PKHD1L1: variants seen among roughly 807,000 people sequenced by gnomAD.
PKHD1L1 encodes the protein PKHD1 like 1.
In PKHD1L1, 434 loss-of-function variants were observed where a neutral mutation model predicts 462.9. That is an observed-to-expected ratio of 0.94 (90% CI 0.87 to 1.02). PKHD1L1 has a LOEUF of 1.02. Ranked by LOEUF, PKHD1L1 falls within the 50% of genes least tolerant of loss-of-function variation. PKHD1L1 has a pLI of 0.00. For synonymous variants in PKHD1L1, 1,781 were observed against 1,750.0 expected, an observed-to-expected ratio of 1.02 and a Z score of -0.44; for missense variants, 5,202 against 5,096.1, an observed-to-expected ratio of 1.02 and a Z score of -0.63.
In PKHD1L1 at chr8:109,515,257, T is replaced by C; in HGVS notation, c.11641T>C (p.Trp3881Arg). The change falls in exon 72 of 78, where the codon TGG becomes CGG. Residue 3881 changes from tryptophan to arginine, a missense_variant. Around this residue, in one of 3 missense-constraint regions of PKHD1L1, gnomAD observed 698 missense variants for 736.3 expected, o/e 0.95. Coordinates refer to ENST00000378402, the MANE Select transcript of PKHD1L1 (RefSeq NM_177531.6). Reference protein sequence around the residue: ...NLLVCPKTTIWNAQQKHCELN... With the variant: ...NLLVCPKTTIRNAQQKHCELN... ...ATTGGTCTGTCCAAAAACTACAATA[T>C]GGAATGCCCAGCAGAAACACTGTGA... 1 of 1,603,826 alleles carries C rather than the reference T, an allele frequency of 6.2e-7. No individual in the cohort carries two copies. Among genetic ancestry groups the C allele is most frequent in the Non-Finnish European group, 8.5e-7 (1 of 1,173,802 alleles).
chr8:109,436,574 G>T, intron 30 of PKHD1L1, 115 bp downstream of exon 30: 1 of 1,475,182 alleles, frequency 6.8e-7, no homozygotes, highest in Non-Finnish European at 9.0e-7. Flanking sequence ...AGGAACTGCA[G>T]GGTTTCTATT....
rs145745350 is a variant in PKHD1L1, at chr8:109,375,440, G to C, written c.164-5930G>C. On this transcript the variant is annotated intron_variant, in intron 2 of 77. Transcript: ENST00000378402. ...AAGGTTTTTAACTTCTTTGCCATTG[G>C]TTCGAACTTCCTCCTTTAGCTCGGA... Among the ~76,000 whole-genome samples, 1,276 of 152,108 alleles carry C rather than the reference G, an allele frequency of 8.4e-3. 18 individuals carry two copies. The highest frequency in any genetic ancestry group is 0.029 in the African/African-American group (1,186 of 41,454).
chr8:109,526,694 GT>G, intron 76 of PKHD1L1, 89 bp from the exon 77 acceptor site: 1 of 1,118,732 alleles, frequency 8.9e-7, no homozygotes. Context: ...TCTATATAGT[GT>G]TTTTCAGTCA....
At chr8:109,491,764 G>C (rs946765598) in intron 61 of PKHD1L1, 109 bp from the exon 62 acceptor site, 1 of 1,085,678 alleles carries the variant, frequency 9.2e-7, no homozygotes, top group Non-Finnish European at 1.3e-6. Context: ...CAGGCTCAAA[G>C]TAGAAAAATA....
chr8:109,461,331 C>G (rs1347684353), intron 47 of PKHD1L1, among the ~76,000 whole-genome samples: 1 of 152,114 alleles, frequency 6.6e-6, no homozygotes, highest in African/African-American at 2.4e-5. Flanking sequence ...GTACATGAAA[C>G]CTAGTTTCAT....
rs561365096 is a variant in PKHD1L1, at chr8:109,365,927, T to A, written c.163+1291T>A. The stretch of plus-strand genomic sequence containing the variant: ...AGGCAGAGGTTGCAGTGAGCCGAGA[T>A]CGCGCCACTGTACTCCAGCCTGGCG... On this transcript the variant is annotated intron_variant, in intron 2 of 77. Transcript: ENST00000378402. Among the ~76,000 whole-genome samples, 5 of 152,190 alleles carry A rather than the reference T, an allele frequency of 3.3e-5. No individual in the cohort carries two copies. The South Asian group carries it at 1.0e-3, about 32-fold the overall frequency.
intron 72 of PKHD1L1, among the ~76,000 whole-genome samples, chr8:109,517,699 G>A (rs1286256186): frequency 4.6e-5 from 7 of 151,874 alleles, no homozygotes; most frequent in Admixed American, 2.0e-4. Flanking sequence ...ACACAGTTTT[G>A]TCCTTAGTTA....
intron 21 of PKHD1L1, among the ~76,000 whole-genome samples, chr8:109,417,696 C>T (rs564886348): frequency 3.9e-5 from 6 of 152,074 alleles, no homozygotes; most frequent in Admixed American, 1.3e-4. Context: ...ATTACAGGCG[C>T]GTGCCACCCC....
Position 109,440,868 on chromosome 8 carries a change from A to T in PKHD1L1, c.4099+16A>T. 2 of 1,608,192 alleles carry T rather than the reference A, an allele frequency of 1.2e-6. No individual in the cohort carries two copies. Among genetic ancestry groups the T allele is most frequent in the Non-Finnish European group, 1.7e-6 (2 of 1,176,876 alleles). ...GTGCTGTTAGGTAAGAGCTTCATTC[A>T]TAGGAAAGTGATTATCATTTTTCTC... is the stretch of plus-strand genomic sequence containing the variant. On this transcript the variant is annotated intron_variant, in intron 33 of 77. Transcript: ENST00000378402.
At chr8:109,370,570 C>T (rs1333025767) in intron 2 of PKHD1L1, among the ~76,000 whole-genome samples, 2 of 151,456 alleles carry the variant, frequency 1.3e-5, no homozygotes, top group East Asian at 3.9e-4. Context: ...AGGTTTGTTA[C>T]ATATGTATAC....
At chr8:109,507,612 C>A in intron 68 of PKHD1L1, 51 bp from the exon 69 acceptor site, 1 of 1,456,686 alleles carries the variant, frequency 6.9e-7, no homozygotes, top group Non-Finnish European at 9.6e-7. Flanking sequence ...CAAGTGTATT[C>A]ATATTGCTCT....
rs1465519553 is a variant in PKHD1L1, at chr8:109,508,082, T to TAC, written c.11228-13_11228-12dup. On this transcript the variant is annotated splice_polypyrimidine_tract_variant and intron_variant, in intron 69 of 77. Coordinates refer to ENST00000378402, the MANE Select transcript of PKHD1L1 (RefSeq NM_177531.6). The stretch of plus-strand genomic sequence containing the variant: ...TTCTGTATTATTGCTAAAATATATA[T>TAC]ACATATGTTTCTAGGAATTATTAGA... 1.4e-5 allele frequency: 22 copies of TAC among 1,586,564 alleles called. No homozygotes were observed. The highest frequency in any genetic ancestry group is 1.7e-5 in the Non-Finnish European group (20 of 1,168,338).
chr8:109,380,794 T>C (rs1812070550), intron 2 of PKHD1L1, among the ~76,000 whole-genome samples: 1 of 152,196 alleles, frequency 6.6e-6, no homozygotes, highest in East Asian at 1.9e-4. Flanking sequence ...ATAAATTATG[T>C]GCTGGCAAAT....
rs148205938 is a variant in PKHD1L1 at position 109,386,129 on chromosome 8, C to A, written c.569+499C>A. On this transcript the variant is annotated intron_variant, in intron 6 of 77. Coordinates refer to ENST00000378402, the MANE Select transcript of PKHD1L1 (RefSeq NM_177531.6). ...ACATTGTCAATAACTCATTAACAGGCCAAGCTTTGAATCCTGTTTTGTCCA... is the reference window on the plus strand; with the variant it reads ...ACATTGTCAATAACTCATTAACAGGACAAGCTTTGAATCCTGTTTTGTCCA... Among the ~76,000 whole-genome samples, 1,228 of 152,230 alleles carry A rather than the reference C, an allele frequency of 8.1e-3. 6 individuals are homozygous for A. The highest frequency in any genetic ancestry group is 0.011 in the Non-Finnish European group (766 of 68,002).
chr8:109,521,076 A>C (rs1380949545), intron 73 of PKHD1L1, among the ~76,000 whole-genome samples: 1 of 152,150 alleles, frequency 6.6e-6, no homozygotes, highest in East Asian at 1.9e-4. Flanking sequence ...AGGAATCTGA[A>C]AGACTGAGCC....
intron 70 of PKHD1L1, among the ~76,000 whole-genome samples, chr8:109,509,018 T>C (rs912986714): frequency 3.3e-5 from 5 of 152,154 alleles, no homozygotes; most frequent in Admixed American, 3.3e-4. Context: ...TTAGGATCTT[T>C]CATGTGCTGA....
chr8:109,487,071 T>C (rs1818565963), intron 59 of PKHD1L1, among the ~76,000 whole-genome samples: 1 of 151,996 alleles, frequency 6.6e-6, no homozygotes, highest in African/African-American at 2.4e-5. Flanking sequence ...GACCAGTCTT[T>C]CACCTAACAG....
chr8:109,461,790 C>A lies in PKHD1L1; in HGVS notation c.7265C>A (p.Thr2422Asn), dbSNP rs754905735. Reference sequence around the variant, plus strand: ...TTTGAAGGAGAATTTGCTACACAGACCTGTCTCCAAGGAAAGTTTGGAGAA... The same window carrying A: ...TTTGAAGGAGAATTTGCTACACAGAACTGTCTCCAAGGAAAGTTTGGAGAA... The part of the protein sequence containing the change: ...GFDTGEFATQ[T>N]CLQGKFGEEI... Residue 2422 changes from threonine (T) to asparagine (N), a missense_variant, in exon 48 of 78, where the codon ACC (threonine) becomes AAC (asparagine). This residue lies in a region of PKHD1L1 where 4,497 missense variants were observed against 4,336.8 expected (regional missense o/e 1.04). Coordinates refer to ENST00000378402, the MANE Select transcript of PKHD1L1 (RefSeq NM_177531.6). The A allele has an allele frequency of 6.2e-6, 10 of 1,609,338 alleles. 1 individual carries two copies. The South Asian group carries it at 1.0e-4, about 16-fold the overall frequency.
intron 2 of PKHD1L1, among the ~76,000 whole-genome samples, chr8:109,380,445 C>T (rs1448313469): frequency 1.3e-5 from 2 of 152,174 alleles, no homozygotes; most frequent in Non-Finnish European, 2.9e-5. Flanking sequence ...TCAACTTATG[C>T]TTCCAGCTTC....
Sources: gnomAD v4.1 joint callset for allele counts (sites outside exome capture counted in the v4.1 genomes callset) on GRCh38, gnomAD v4.1.1 for gene constraint, gnomAD v4.1.1 regional missense constraint, MANE v1.5 for transcripts, NCBI Gene and HGNC (gene_info 2026-07-23, HGNC 2026-07-21) for gene names.